The following RMST variants were observed in gnomAD, a reference collection of about 807,000 sequenced individuals.
RMST encodes the protein long intergenic non-protein coding RNA 54.
intron 10 of RMST, among the ~76,000 whole-genome samples, chr12:97,529,856 T>C (rs1047717361): frequency 2.0e-5 from 3 of 152,142 alleles, no homozygotes; most frequent in African/African-American, 4.8e-5. Flanking sequence ...GACAGACTTT[T>C]TGAAGGAAAA....
intron 11 of RMST, chr12:97,533,430 G>A (rs1881830232): frequency 6.6e-6 from 1 of 151,746 alleles, no homozygotes; most frequent in Non-Finnish European, 1.5e-5. Context: ...TATTTCTGAT[G>A]TCTGGAATTT....
intron 11 of RMST, among the ~76,000 whole-genome samples, chr12:97,539,804 A>C (rs1014557498): frequency 4.0e-5 from 6 of 151,590 alleles, no homozygotes; most frequent in African/African-American, 1.5e-4. Flanking sequence ...GTCTTTAGGC[A>C]AATCACCCAA....
chr12:97,502,813 C>A (rs1332461204), intron 10 of RMST, among the ~76,000 whole-genome samples: 1 of 152,096 alleles, frequency 6.6e-6, no homozygotes, highest in Non-Finnish European at 1.5e-5. Context: ...GGAAGTGCTT[C>A]ACAAAATAGT....
intron 10 of RMST, among the ~76,000 whole-genome samples, chr12:97,503,161 C>G (rs754036849): frequency 2.0e-5 from 3 of 152,158 alleles, no homozygotes; most frequent in Non-Finnish European, 4.4e-5. Context: ...AACTTAGCAT[C>G]TGTTGATTAT....
At chr12:97,564,105 G>T in intron 13 of RMST, 1 of 309,484 alleles carries the variant, frequency 3.2e-6, no homozygotes. Flanking sequence ...ATTTGGGTTT[G>T]CACATTTTTG....
At chr12:97,560,036 A>G (rs1884010084) in intron 11 of RMST, among the ~76,000 whole-genome samples, 1 of 152,102 alleles carries the variant, frequency 6.6e-6, no homozygotes, top group South Asian at 2.1e-4. Context: ...CGTTGTCTTT[A>G]TTTATGGTTT....
chr12:97,474,919 T>C (rs966340542), intron 5 of RMST, among the ~76,000 whole-genome samples: 1 of 152,186 alleles, frequency 6.6e-6, no homozygotes, highest in Non-Finnish European at 1.5e-5. Flanking sequence ...TTGGTACATC[T>C]CCAGTGTACT....
intron 10 of RMST, among the ~76,000 whole-genome samples, chr12:97,524,967 T>C (rs959741891): frequency 2.6e-5 from 4 of 152,242 alleles, no homozygotes; most frequent in Non-Finnish European, 5.9e-5. Context: ...TTATGTGCCA[T>C]GTGGCATCTT....
chr12:97,533,279 T>C (rs1881818117), intron 11 of RMST: 1 of 151,850 alleles, frequency 6.6e-6, no homozygotes, highest in Non-Finnish European at 1.5e-5. Flanking sequence ...GGGTTAGGAA[T>C]AAATAACAAT....
chr12:97,549,762 G>A (rs1883186280), intron 11 of RMST, among the ~76,000 whole-genome samples: 2 of 152,130 alleles, frequency 1.3e-5, no homozygotes, highest in African/African-American at 4.8e-5. Flanking sequence ...TCTGTCAGCA[G>A]AGTCTGAGAT....
intron 10 of RMST, among the ~76,000 whole-genome samples, chr12:97,519,984 C>T (rs1880345355): frequency 6.6e-6 from 1 of 152,152 alleles, no homozygotes; most frequent in African/African-American, 2.4e-5. Context: ...GAGGTAGGCA[C>T]ACTGAAATAC....
intron 10 of RMST, among the ~76,000 whole-genome samples, chr12:97,499,608 A>T (rs913109288): frequency 6.7e-6 from 1 of 148,846 alleles, no homozygotes; most frequent in East Asian, 2.0e-4. Flanking sequence ...AGAGCTTTTT[A>T]TGTTTTCTTC....
At chr12:97,482,649 T>C (rs1200976656) in intron 5 of RMST, among the ~76,000 whole-genome samples, 1 of 146,418 alleles carries the variant, frequency 6.8e-6, no homozygotes, top group East Asian at 1.9e-4. Flanking sequence ...ATTTATTATT[T>C]ATTTAATAAA....
chr12:97,513,752 A>G (rs745715466), intron 10 of RMST, among the ~76,000 whole-genome samples: 1 of 152,198 alleles, frequency 6.6e-6, no homozygotes, highest in African/African-American at 2.4e-5. Context: ...GTATGGATCA[A>G]TTGGAGTGTC....
At chr12:97,503,732 C>T (rs1348473608) in intron 10 of RMST, among the ~76,000 whole-genome samples, 1 of 152,100 alleles carries the variant, frequency 6.6e-6, no homozygotes, top group Non-Finnish European at 1.5e-5. Flanking sequence ...GGAGCAAATC[C>T]CTGCATGCTT....
At chr12:97,550,888 G>A (rs1411782714) in intron 11 of RMST, among the ~76,000 whole-genome samples, 1 of 152,096 alleles carries the variant, frequency 6.6e-6, no homozygotes, top group East Asian at 1.9e-4. Context: ...CATTCATCCA[G>A]GTGAATAGAG....
At chr12:97,502,635 T>C (rs1228440183) in intron 10 of RMST, among the ~76,000 whole-genome samples, 1 of 152,104 alleles carries the variant, frequency 6.6e-6, no homozygotes, top group Non-Finnish European at 1.5e-5. Flanking sequence ...TAATTTTTTC[T>C]TTTATTTTTA....
chr12:97,512,777 C>G (rs2136521889), intron 10 of RMST, among the ~76,000 whole-genome samples: 1 of 152,364 alleles, frequency 6.6e-6, no homozygotes, highest in East Asian at 1.9e-4. Context: ...ATCCCGCGCC[C>G]TGCGCCTGCA....
intron 5 of RMST, chr12:97,491,554 A>G (rs972846840): frequency 1.7e-5 from 3 of 176,100 alleles, no homozygotes; most frequent in African/African-American, 7.0e-5. Context: ...GGATTTCTCT[A>G]TTAATATAAG....
Sources: allele counts gnomAD v4.1 joint callset (sites outside exome capture counted in the v4.1 genomes callset), GRCh38; gene constraint gnomAD v4.1.1; transcripts MANE v1.5; gene names NCBI Gene and HGNC (gene_info 2026-07-23, HGNC 2026-07-21).